CDH8: variants seen among roughly 807,000 people sequenced by gnomAD.
The protein encoded by CDH8 is cadherin 8.
A neutral mutation model predicts 68.1 loss-of-function variants in CDH8; 17 were observed. The ratio of observed to expected loss-of-function variants is 0.25; its 90% CI spans 0.17 to 0.37. CDH8 has a LOEUF of 0.37. Ranked by LOEUF, CDH8 falls within the 10% of genes least tolerant of loss-of-function variation. The pLI is 1.00. For synonymous variants in CDH8, 372 were observed against 365.1 expected, an observed-to-expected ratio of 1.02 and a Z score of -0.21; for missense variants, 763 against 999.3, an observed-to-expected ratio of 0.76 and a Z score of 3.19.
chr16:61,672,237 A>G (rs1053237075), intron 10 of CDH8, among the ~76,000 whole-genome samples: 6 of 152,112 alleles, frequency 3.9e-5, no homozygotes, highest in Non-Finnish European at 5.9e-5. Context: ...ATGCTTAACA[A>G]ATCCAGAGAA....
chr16:62,007,697 T>G (rs1307916221), intron 2 of CDH8, among the ~76,000 whole-genome samples: 1 of 152,194 alleles, frequency 6.6e-6, no homozygotes, highest in East Asian at 1.9e-4. Context: ...CTGGGCCTAG[T>G]GAGAATCACT....
intron 1 of CDH8, among the ~76,000 whole-genome samples, chr16:62,035,698 G>C (rs930040222): frequency 6.6e-6 from 1 of 152,146 alleles, no homozygotes; most frequent in South Asian, 2.1e-4. Flanking sequence ...TTCACCGCAC[G>C]GACCCCGCAG....
intron 2 of CDH8, among the ~76,000 whole-genome samples, chr16:61,995,073 G>A (rs977846899): frequency 1.3e-5 from 2 of 152,140 alleles, no homozygotes; most frequent in African/African-American, 4.8e-5. Flanking sequence ...CATGCTAGCT[G>A]TCTTGTTCCT....
intron 3 of CDH8, among the ~76,000 whole-genome samples, chr16:61,898,116 G>A (rs1244432083): frequency 6.6e-6 from 1 of 151,992 alleles, no homozygotes. Flanking sequence ...CCTGACCAAC[G>A]TGGTAAAACC....
intron 10 of CDH8, among the ~76,000 whole-genome samples, chr16:61,683,302 C>T (rs1964046623): frequency 6.6e-6 from 1 of 151,832 alleles, no homozygotes; most frequent in African/African-American, 2.4e-5. Flanking sequence ...AATAGTTCTG[C>T]ATATATAAAC....
intron 3 of CDH8, among the ~76,000 whole-genome samples, chr16:61,862,131 CCACT>C (rs1435255904): frequency 1.7e-5 from 2 of 114,986 alleles, no homozygotes; most frequent in African/African-American, 8.6e-5. Context: ...CACACAAACA[CCACT>C]CACACACACA....
chr16:61,653,369 C>T lies in CDH8; in HGVS notation c.*239G>A, dbSNP rs1208725311. ...GGTGGTCAGGTAAATATCAAATATCCAAGGACTTCTAGACACTCCACATAC... is the reference window on the plus strand; with the variant it reads ...GGTGGTCAGGTAAATATCAAATATCTAAGGACTTCTAGACACTCCACATAC... On this transcript the variant is annotated 3_prime_UTR_variant, in exon 12 of 12. Transcript: ENST00000577390. 1 of 1,260,750 alleles carries T rather than the reference C, an allele frequency of 7.9e-7. No individual in the cohort carries two copies. Among genetic ancestry groups the T allele is most frequent in the Non-Finnish European group, 9.9e-7 (1 of 1,005,876 alleles). 78.1% of individuals were successfully genotyped at this position (1,260,750 alleles called of 1,614,324 possible). A position where few individuals can be genotyped will look rare whatever the true frequency, so the allele number is the denominator to read the frequency against.
At chr16:61,696,465 G>T (rs996639867) in intron 10 of CDH8, among the ~76,000 whole-genome samples, 1 of 152,200 alleles carries the variant, frequency 6.6e-6, no homozygotes, top group Non-Finnish European at 1.5e-5. Context: ...AAAAACAGAT[G>T]CTGGCGAGGA....
At chr16:61,781,846 A>C (rs2142992410) in intron 8 of CDH8, among the ~76,000 whole-genome samples, 1 of 152,316 alleles carries the variant, frequency 6.6e-6, no homozygotes, top group Middle Eastern at 3.4e-3. Context: ...CTAACAAACC[A>C]AAATCACCAA....
chr16:61,981,547 A>C (rs900676681), intron 2 of CDH8, among the ~76,000 whole-genome samples: 16 of 152,270 alleles, frequency 1.1e-4, no homozygotes, highest in African/African-American at 3.6e-4. Context: ...CTCTAAACGT[A>C]ATAAGGACAC....
intron 2 of CDH8, among the ~76,000 whole-genome samples, chr16:61,905,380 G>C (rs1055055360): frequency 6.6e-6 from 1 of 151,960 alleles, no homozygotes; most frequent in African/African-American, 2.4e-5. Context: ...AGGGGAAATA[G>C]AGCCATTAAT....
intron 8 of CDH8, among the ~76,000 whole-genome samples, chr16:61,738,130 G>A (rs960357341): frequency 1.3e-5 from 2 of 152,092 alleles, no homozygotes; most frequent in Admixed American, 6.6e-5. Context: ...TGAGAAAGCT[G>A]TGGACTTAGA....
At chr16:61,739,859 A>G (rs1489533291) in intron 8 of CDH8, among the ~76,000 whole-genome samples, 1 of 144,894 alleles carries the variant, frequency 6.9e-6, no homozygotes, top group Non-Finnish European at 1.5e-5. Flanking sequence ...GGTTCTCTTT[A>G]ATATAGCATT....
chr16:61,876,509 G>T (rs958087472), intron 3 of CDH8, among the ~76,000 whole-genome samples: 1 of 151,988 alleles, frequency 6.6e-6, no homozygotes, highest in Non-Finnish European at 1.5e-5. Flanking sequence ...CTGGACATTT[G>T]CTTGCATGAC....
chr16:61,834,833 A>T (rs538854014), intron 4 of CDH8, among the ~76,000 whole-genome samples: 1 of 151,986 alleles, frequency 6.6e-6, no homozygotes, highest in African/African-American at 2.4e-5. Context: ...AAAATATATT[A>T]TCACATGAAT....
At chr16:61,799,547 G>A (rs868561975) in intron 7 of CDH8, among the ~76,000 whole-genome samples, 10 of 151,974 alleles carry the variant, frequency 6.6e-5, no homozygotes, top group East Asian at 3.9e-4. Context: ...CATTTCCTCC[G>A]TCATAAAGTT....
chr16:61,776,426 T>A (rs1960900921), intron 8 of CDH8, among the ~76,000 whole-genome samples: 1 of 152,118 alleles, frequency 6.6e-6, no homozygotes, highest in Admixed American at 6.6e-5. Context: ...AAAAAAAAAT[T>A]GTTAGAACAA....
intron 2 of CDH8, among the ~76,000 whole-genome samples, chr16:61,945,106 C>T (rs1437480363): frequency 6.6e-6 from 1 of 152,138 alleles, no homozygotes; most frequent in Non-Finnish European, 1.5e-5. Context: ...GCTTTTGAGT[C>T]TGACACTCCT....
Position 61,652,874 on chromosome 16 carries a change from G to C in CDH8, c.*734C>G. 1 of 1,524,458 alleles carries C rather than the reference G, an allele frequency of 6.6e-7. No individual in the cohort carries two copies. The highest frequency in any genetic ancestry group is 2.5e-5 in the East Asian group (1 of 40,484). 94.4% of individuals were successfully genotyped at this position (1,524,458 alleles called of 1,614,324 possible). ...TTGTGTCCTTGTGGAAGAAGATGAA[G>C]AGGAGGGAACGAGGAATCCTGCTTC... On this transcript the variant is annotated 3_prime_UTR_variant, in exon 12 of 12. Transcript: ENST00000577390.
Sources: allele counts gnomAD v4.1 joint callset (sites outside exome capture counted in the v4.1 genomes callset), GRCh38; gene constraint gnomAD v4.1.1; transcripts MANE v1.5; gene names NCBI Gene and HGNC (gene_info 2026-07-23, HGNC 2026-07-21).